Variants in ANO3 observed in about 807,000 individuals in gnomAD.
ANO3 encodes the protein anoctamin-3.
A neutral mutation model predicts 144.8 loss-of-function variants in ANO3; 99 were observed. The ratio of observed to expected loss-of-function variants is 0.68; its 90% CI spans 0.58 to 0.81. The LOEUF is 0.81. Among genes scored for constraint, ANO3 ranks in the 30% least tolerant of loss-of-function variants. The pLI is 0.00. For synonymous variants in ANO3, 414 were observed against 392.6 expected, an observed-to-expected ratio of 1.05 and a Z score of -0.64; for missense variants, 905 against 1,202.2, an observed-to-expected ratio of 0.75 and a Z score of 3.66.
At chr11:26,558,180 A>G (rs1296272634) in intron 13 of ANO3, among the ~76,000 whole-genome samples, 1 of 152,218 alleles carries the variant, frequency 6.6e-6, no homozygotes, top group Non-Finnish European at 1.5e-5. Flanking sequence ...AAAATACTAC[A>G]CAAACTATGA....
chr11:26,357,751 T>C (rs1465678810), intron 1 of ANO3, among the ~76,000 whole-genome samples: 1 of 152,176 alleles, frequency 6.6e-6, no homozygotes, highest in Admixed American at 6.5e-5. Flanking sequence ...TAAAATATAT[T>C]TTTATAACTG....
chr11:26,616,292 A>G (rs1279438108), intron 17 of ANO3, among the ~76,000 whole-genome samples: 1 of 152,156 alleles, frequency 6.6e-6, no homozygotes, highest in Non-Finnish European at 1.5e-5. Context: ...GAGGTAATCA[A>G]TGTTAATGTA....
intron 18 of ANO3, among the ~76,000 whole-genome samples, chr11:26,625,990 C>A (rs12282129): frequency 0.17 from 25,330 of 152,110 alleles, 2,379 homozygotes; most frequent in African/African-American, 0.26. Flanking sequence ...AGGTATGAAA[C>A]CCTATGTTAG....
At chr11:26,485,953 G>A (rs182609847) in intron 4 of ANO3, among the ~76,000 whole-genome samples, 2 of 152,136 alleles carry the variant, frequency 1.3e-5, no homozygotes, top group East Asian at 3.9e-4. Context: ...CATCCAACAG[G>A]ACTGATATCC....
chr11:26,361,245 T>C (rs1855918214), intron 1 of ANO3, among the ~76,000 whole-genome samples: 1 of 152,204 alleles, frequency 6.6e-6, no homozygotes, highest in African/African-American at 2.4e-5. Context: ...TTGTGAGTGC[T>C]TTTGCAAGGT....
chr11:26,300,787 C>G (rs1854210011), intron 1 of ANO3, among the ~76,000 whole-genome samples: 1 of 151,688 alleles, frequency 6.6e-6, no homozygotes, highest in Non-Finnish European at 1.5e-5. Flanking sequence ...CGCTCATATT[C>G]TTGTTAGGAT....
intron 14 of ANO3, among the ~76,000 whole-genome samples, chr11:26,578,666 G>A (rs61877058): frequency 0.031 from 4,707 of 152,258 alleles, 105 homozygotes; most frequent in Non-Finnish European, 0.05. Flanking sequence ...TAAAAAGTAC[G>A]ATTATATTAG....
chr11:26,515,925 A>G (rs1423579651), intron 5 of ANO3, among the ~76,000 whole-genome samples: 1 of 152,002 alleles, frequency 6.6e-6, no homozygotes, highest in Admixed American at 6.6e-5. Context: ...CAGATATTGT[A>G]GGAACTTCAG....
intron 1 of ANO3, among the ~76,000 whole-genome samples, chr11:26,344,677 T>C (rs534948175): frequency 8.5e-4 from 129 of 152,242 alleles, no homozygotes; most frequent in Non-Finnish European, 1.7e-3. Flanking sequence ...AATATTGTCT[T>C]TTTAAAGACT....
Position 26,508,246 on chromosome 11 carries a change from T to C in ANO3, c.575T>C (p.Leu192Ser). Residue 192 changes from leucine (L) to serine (S), a missense_variant, in exon 5 of 27, where the codon TTG becomes TCG. This residue lies in a region of ANO3 where 63 missense variants were observed against 107.3 expected (regional missense o/e 0.59). Coordinates refer to ENST00000256737, the MANE Select transcript of ANO3 (RefSeq NM_031418.4). ...TFEKNLRAEG[L>S]MLEKEPAIAS... The stretch of plus-strand genomic sequence containing the variant: ...GAAAAGAACCTCAGAGCAGAAGGCT[T>C]GATGTTGGAGAAGGAGGTAGGTGCT... 1 of 1,593,164 alleles carries C rather than the reference T, an allele frequency of 6.3e-7. No homozygotes were observed. Among genetic ancestry groups the C allele is most frequent in the Non-Finnish European group, 8.5e-7 (1 of 1,173,848 alleles).
intron 1 of ANO3, among the ~76,000 whole-genome samples, chr11:26,316,741 G>T (rs930626811): frequency 6.6e-6 from 1 of 152,066 alleles, no homozygotes; most frequent in African/African-American, 2.4e-5. Flanking sequence ...CACAAGGGTC[G>T]CATTCCATCC....
intron 1 of ANO3, among the ~76,000 whole-genome samples, chr11:26,334,972 T>C (rs1855155750): frequency 6.6e-6 from 1 of 152,146 alleles, no homozygotes; most frequent in Non-Finnish European, 1.5e-5. Context: ...GGATTCTCCT[T>C]TATATATGAG....
chr11:26,354,979 T>G (rs1855740780), intron 1 of ANO3, among the ~76,000 whole-genome samples: 1 of 150,968 alleles, frequency 6.6e-6, no homozygotes, highest in Non-Finnish European at 1.5e-5. Context: ...GCAATAATGT[T>G]TTCTTGTACT....
intron 4 of ANO3, among the ~76,000 whole-genome samples, chr11:26,491,702 G>C (rs1860715490): frequency 6.6e-6 from 1 of 152,118 alleles, no homozygotes; most frequent in Admixed American, 6.5e-5. Flanking sequence ...TTTTGATACA[G>C]TTTGTCCGCA....
intron 1 of ANO3, among the ~76,000 whole-genome samples, chr11:26,280,627 C>T (rs947710341): frequency 6.6e-6 from 1 of 152,186 alleles, no homozygotes; most frequent in African/African-American, 2.4e-5. Context: ...AGGGCTCTGC[C>T]TTTCCCAGTC....
intron 17 of ANO3, among the ~76,000 whole-genome samples, chr11:26,609,545 T>G (rs1473216301): frequency 6.6e-6 from 1 of 152,030 alleles, no homozygotes; most frequent in Non-Finnish European, 1.5e-5. Context: ...ATGCTAATAT[T>G]CACGGTTCTT....
At chr11:26,411,279 T>C (rs964655230) in intron 1 of ANO3, among the ~76,000 whole-genome samples, 2 of 152,000 alleles carry the variant, frequency 1.3e-5, no homozygotes, top group South Asian at 2.1e-4. Flanking sequence ...AAGATGGATG[T>C]AAATGTAAAG....
At chr11:26,417,549 A>T (rs960966093) in intron 1 of ANO3, among the ~76,000 whole-genome samples, 1 of 152,106 alleles carries the variant, frequency 6.6e-6, no homozygotes, top group Non-Finnish European at 1.5e-5. Context: ...GCAACAGAGT[A>T]TAGGAAAATG....
chr11:26,516,948 A>AT (rs1861886212), intron 6 of ANO3, 21 bp downstream of exon 6: 1 of 1,438,048 alleles, frequency 7.0e-7, no homozygotes, highest in South Asian at 1.2e-5. Flanking sequence ...ATTTTACTTT[A>AT]TTTTATCTCA....
Sources: gnomAD v4.1 joint callset for allele counts (sites outside exome capture counted in the v4.1 genomes callset) on GRCh38, gnomAD v4.1.1 for gene constraint, gnomAD v4.1.1 regional missense constraint, MANE v1.5 for transcripts, NCBI Gene and HGNC (gene_info 2026-07-23, HGNC 2026-07-21) for gene names.